Variants in KCNH5 observed in about 807,000 individuals in gnomAD.
KCNH5 encodes voltage-gated delayed rectifier potassium channel KCNH5.
KCNH5 carries 46 observed loss-of-function variants against 96.1 expected under a neutral mutation model. That is an observed-to-expected ratio of 0.48 (90% CI 0.38 to 0.61). The LOEUF (loss-of-function observed/expected upper bound fraction) is 0.61. Among genes scored for constraint, KCNH5 ranks in the 20% least tolerant of loss-of-function variants. The pLI, the probability that KCNH5 is intolerant of heterozygous loss-of-function variation, is 0.00. For missense variants in KCNH5, 907 were observed against 1,225.8 expected (o/e 0.74, Z 3.88); for synonymous variants, 439 against 449.8 (o/e 0.98, Z 0.30).
chr14:62,712,718 T>C, intron 10 of KCNH5: 1 of 778,316 alleles, frequency 1.3e-6, no homozygotes, highest in South Asian at 1.4e-5. Context: ...GAACCATCCC[T>C]GAAAGCAGTG....
chr14:62,787,075 G>A (rs1430887052), intron 9 of KCNH5, among the ~76,000 whole-genome samples: 1 of 152,148 alleles, frequency 6.6e-6, no homozygotes, highest in African/African-American at 2.4e-5. Flanking sequence ...ACATAATTAA[G>A]CTTAGTGAGG....
intron 10 of KCNH5, among the ~76,000 whole-genome samples, chr14:62,740,595 G>C (rs911430693): frequency 2.6e-5 from 4 of 152,042 alleles, no homozygotes; most frequent in Non-Finnish European, 5.9e-5. Context: ...AGCCCAAAAG[G>C]ATAACATCCC....
chr14:62,986,713 G>A (rs1566731313), intron 5 of KCNH5, among the ~76,000 whole-genome samples: 1 of 152,132 alleles, frequency 6.6e-6, no homozygotes, highest in Non-Finnish European at 1.5e-5. Context: ...CTTGATGACA[G>A]GGCCCATTTC....
At chr14:62,995,322 G>T (rs1417894780) in intron 4 of KCNH5, among the ~76,000 whole-genome samples, 1 of 152,084 alleles carries the variant, frequency 6.6e-6, no homozygotes, top group Non-Finnish European at 1.5e-5. Flanking sequence ...CCGGTGTATA[G>T]ATTCACTTGT....
chr14:62,878,448 T>A (rs559332604), intron 7 of KCNH5, among the ~76,000 whole-genome samples: 1 of 152,252 alleles, frequency 6.6e-6, no homozygotes, highest in Non-Finnish European at 1.5e-5. Flanking sequence ...CACAAAATAT[T>A]TTTTTAAATT....
intron 5 of KCNH5, among the ~76,000 whole-genome samples, chr14:62,985,933 A>G (rs185535557): frequency 6.6e-6 from 1 of 152,112 alleles, no homozygotes; most frequent in East Asian, 1.9e-4. Context: ...TTATTAACCA[A>G]CAGAACTATC....
At position 62,849,718 on chromosome 14, in the gene KCNH5, TAAGGCCTTTTGGGACCTGATAGA is replaced by T. The variant is rs1566681329; in HGVS notation, c.1481_1503del (p.Leu494GlnfsTer2). The T allele has an allele frequency of 6.2e-7, 1 of 1,613,960 alleles. No homozygotes were observed. Among genetic ancestry groups the T allele is most frequent in the South Asian group, 1.1e-5 (1 of 91,078 alleles). On this transcript the variant is annotated frameshift_variant, in exon 8 of 11. Coordinates refer to ENST00000322893, the MANE Select transcript of KCNH5 (RefSeq NM_139318.5). LOFTEE classifies it high-confidence loss of function. The stretch of plus-strand genomic sequence containing the variant: ...ACAATATAATCCATGACTCGCTCAC[TAAGGCCTTTTGGGACCTGATAGA>T]GTTTTAGGAAGTCCCGTACATTATT...
chr14:62,967,084 T>C (rs1890319130), intron 6 of KCNH5, among the ~76,000 whole-genome samples: 1 of 152,126 alleles, frequency 6.6e-6, no homozygotes. Context: ...CTAATAACAA[T>C]GCCACAGGCA....
At chr14:62,772,826 A>C (rs1251007165) in intron 10 of KCNH5, among the ~76,000 whole-genome samples, 1 of 152,170 alleles carries the variant, frequency 6.6e-6, no homozygotes, top group Non-Finnish European at 1.5e-5. Context: ...TGAAAGTTAA[A>C]TGCTTTCACT....
intron 1 of KCNH5, among the ~76,000 whole-genome samples, chr14:63,028,756 T>C (rs1210950206): frequency 6.6e-6 from 1 of 151,980 alleles, no homozygotes; most frequent in Non-Finnish European, 1.5e-5. Flanking sequence ...GAATCAAAAG[T>C]AGGTAATTAA....
intron 10 of KCNH5, among the ~76,000 whole-genome samples, chr14:62,709,462 T>C (rs970032108): frequency 6.6e-6 from 1 of 152,160 alleles, no homozygotes; most frequent in African/African-American, 2.4e-5. Flanking sequence ...CATTGCAAAC[T>C]GCTCTCTATT....
At chr14:62,777,492 C>A (rs2139972976) in intron 10 of KCNH5, among the ~76,000 whole-genome samples, 1 of 152,292 alleles carries the variant, frequency 6.6e-6, no homozygotes, top group Admixed American at 6.5e-5. Context: ...TATTACTACC[C>A]ATTAGATAAT....
At chr14:62,750,529 G>C (rs1347723095) in intron 10 of KCNH5, among the ~76,000 whole-genome samples, 2 of 152,184 alleles carry the variant, frequency 1.3e-5, no homozygotes, top group African/African-American at 4.8e-5. Context: ...CTTAGCAGCT[G>C]TATCTGCAAA....
intron 7 of KCNH5, among the ~76,000 whole-genome samples, chr14:62,854,464 G>A (rs1203935998): frequency 6.6e-6 from 1 of 152,086 alleles, no homozygotes; most frequent in Non-Finnish European, 1.5e-5. Context: ...TAAAGGCTAA[G>A]GTTATTCATG....
intron 7 of KCNH5, among the ~76,000 whole-genome samples, chr14:62,867,665 C>T (rs1364183364): frequency 1.3e-5 from 2 of 152,092 alleles, no homozygotes; most frequent in Non-Finnish European, 2.9e-5. Context: ...TGAAAAGTTT[C>T]CAGGGGCTCT....
intron 9 of KCNH5, among the ~76,000 whole-genome samples, chr14:62,781,640 C>T (rs1021300935): frequency 3.9e-5 from 6 of 152,184 alleles, no homozygotes; most frequent in Non-Finnish European, 8.8e-5. Context: ...ATATTTCTCC[C>T]ATTTGCTTTT....
intron 7 of KCNH5, among the ~76,000 whole-genome samples, chr14:62,851,197 A>G (rs1400318789): frequency 6.6e-6 from 1 of 152,168 alleles, no homozygotes; most frequent in African/African-American, 2.4e-5. Context: ...TTTTTAAGAC[A>G]GATTTTTAAG....
At chr14:62,761,214 G>T (rs760515996) in intron 10 of KCNH5, among the ~76,000 whole-genome samples, 19 of 151,500 alleles carry the variant, frequency 1.3e-4, no homozygotes, top group Admixed American at 6.6e-5. Flanking sequence ...AATTAGCTGG[G>T]TGTGGTGGCG....
chr14:62,823,329 A>G (rs1887152528), intron 8 of KCNH5, among the ~76,000 whole-genome samples: 1 of 152,122 alleles, frequency 6.6e-6, no homozygotes, highest in African/African-American at 2.4e-5. Flanking sequence ...TCAAAAGTCA[A>G]AATTTTTCTG....
Sources: gnomAD v4.1 joint callset for allele counts (sites outside exome capture counted in the v4.1 genomes callset) on GRCh38, gnomAD v4.1.1 for gene constraint, MANE v1.5 for transcripts, NCBI Gene and HGNC (gene_info 2026-07-23, HGNC 2026-07-21) for gene names.